RNF17: variants seen among roughly 807,000 people sequenced by gnomAD.
The protein encoded by RNF17 is spermatogenesis associated 23.
RNF17 carries 31 observed loss-of-function variants against 200.5 expected under a neutral mutation model. The observed-to-expected ratio is 0.15, with a 90% CI of 0.12 to 0.21. The LOEUF is 0.21. RNF17 is among the 10% of genes least tolerant of loss of function. RNF17 has a pLI of 1.00. For missense variants in RNF17, 1,628 were observed against 1,905.1 expected (o/e 0.85, Z 2.71); for synonymous variants, 606 against 637.8 (o/e 0.95, Z 0.75).
chr13:24,829,901 T>C lies in RNF17; in HGVS notation c.2246-583T>C, dbSNP rs1028397527. On this transcript the variant is annotated intron_variant, in intron 16 of 35. Coordinates refer to ENST00000255324, the MANE Select transcript of RNF17 (RefSeq NM_031277.3). Reference sequence around the variant, plus strand: ...TTTCAAAATTTCACAGATACTGTTATATGAATGAATCTTTGTTGAATCTTT... The same window carrying C: ...TTTCAAAATTTCACAGATACTGTTACATGAATGAATCTTTGTTGAATCTTT... Among the ~76,000 whole-genome samples the C allele has an allele frequency of 3.3e-5, 5 of 152,218 alleles. No individual in the cohort carries two copies. The East Asian group carries it at 5.8e-4, about 18-fold the overall frequency.
chr13:24,835,114 C>T (rs1889832931), intron 18 of RNF17, among the ~76,000 whole-genome samples: 1 of 152,080 alleles, frequency 6.6e-6, no homozygotes, highest in Admixed American at 6.5e-5. Context: ...CTCCTAGGCA[C>T]ACAACTCCAG....
intron 2 of RNF17, among the ~76,000 whole-genome samples, chr13:24,774,398 T>C (rs927582286): frequency 2.0e-5 from 3 of 152,140 alleles, no homozygotes; most frequent in African/African-American, 7.2e-5. Context: ...TTAGTAGAGA[T>C]GGGGTTTTGC....
intron 26 of RNF17, among the ~76,000 whole-genome samples, chr13:24,860,220 A>G (rs910957384): frequency 6.6e-6 from 1 of 151,978 alleles, no homozygotes; most frequent in Non-Finnish European, 1.5e-5. Context: ...AATGAAATTC[A>G]GTGTTCATCA....
chr13:24,800,182 A>AGC (rs1489528179), intron 12 of RNF17, among the ~76,000 whole-genome samples, 184 bp from the exon 13 acceptor site: 2 of 1,522 alleles, frequency 1.3e-3, no homozygotes, highest in Non-Finnish European at 0.011. Flanking sequence ...TGTGGAGGAA[A>AGC]ACTGTCTCTG....
the RNF17 span, chr13:24,886,050 GCTATGGTATAAA>G: frequency 2.7e-6 from 1 of 364,622 alleles, no homozygotes; most frequent in Non-Finnish European, 5.3e-6. Flanking sequence ...TGCCCTTGTG[GCTATGGTATAAA>G]CTTTTTGTAA....
chr13:24,829,511 C>T (rs1432753085), intron 16 of RNF17, among the ~76,000 whole-genome samples: 3 of 152,148 alleles, frequency 2.0e-5, no homozygotes, highest in African/African-American at 4.8e-5. Flanking sequence ...GAGAGGTTCC[C>T]CCATCTTTTG....
chr13:24,788,227 T>A, intron 7 of RNF17, 68 bp downstream of exon 7: 1 of 1,240,102 alleles, frequency 8.1e-7, no homozygotes. Context: ...GGAATATATT[T>A]AAGACAAGAA....
rs544596197 is a variant in RNF17, at chr13:24,776,162, C to T, written c.317+1258C>T. 3.6e-3 allele frequency among the ~76,000 whole-genome samples: 544 copies of T among 152,304 alleles called. 5 individuals carry two copies. The highest frequency in any genetic ancestry group is 4.7e-3 in the Non-Finnish European group (318 of 68,010). On this transcript the variant is annotated intron_variant, in intron 3 of 35. Coordinates refer to ENST00000255324, the MANE Select transcript of RNF17 (RefSeq NM_031277.3). ...AGTTCCTTCTATTACATTCATTTTA[C>T]CTCCTGCAGATTCTGACTTCTATAG...
chr13:24,771,218 C>G (rs1880624168), intron 2 of RNF17, among the ~76,000 whole-genome samples: 1 of 151,666 alleles, frequency 6.6e-6, no homozygotes, highest in Non-Finnish European at 1.5e-5. Flanking sequence ...GTGATGTGAT[C>G]ACAGCTCACT....
chr13:24,858,575 G>T (rs200349385), intron 25 of RNF17, among the ~76,000 whole-genome samples: 2 of 143,190 alleles, frequency 1.4e-5, no homozygotes, highest in Non-Finnish European at 3.0e-5. Flanking sequence ...ATCAGTTATG[G>T]ATATATATAT....
chr13:24,764,067 A>T, upstream of RNF17: 1 of 773,986 alleles, frequency 1.3e-6, no homozygotes, highest in Non-Finnish European at 2.0e-6. Context: ...CCCCATCAGG[A>T]GCGAGCTTGG....
At chr13:24,755,373 T>C in the RNF17 span, among the ~76,000 whole-genome samples, 2 of 152,210 alleles carry the variant, frequency 1.3e-5, no homozygotes, top group Admixed American at 1.3e-4. Flanking sequence ...TAAGAGTTTG[T>C]CTCACCATGA....
intron 2 of RNF17, among the ~76,000 whole-genome samples, chr13:24,767,577 G>A (rs1011428444): frequency 4.0e-5 from 6 of 151,896 alleles, no homozygotes; most frequent in Admixed American, 1.3e-4. Flanking sequence ...GGGAAACCCC[G>A]TCTCTACTAA....
intron 25 of RNF17, among the ~76,000 whole-genome samples, chr13:24,856,977 G>A (rs2902617): frequency 0.99 from 150,825 of 152,304 alleles, 74,696 homozygotes; most frequent in Middle Eastern, 1. Context: ...GAGGAAAGGT[G>A]ACTTTTTTGA....
upstream of RNF17, among the ~76,000 whole-genome samples, chr13:24,762,888 C>T (rs1206108322): frequency 6.6e-6 from 1 of 152,138 alleles, no homozygotes; most frequent in African/African-American, 2.4e-5. Context: ...CGAGATTCTC[C>T]GAAATTCTTC....
intron 15 of RNF17, among the ~76,000 whole-genome samples, chr13:24,813,724 G>A (rs1887036554): frequency 6.6e-6 from 1 of 150,956 alleles, no homozygotes. Flanking sequence ...TGGAACTCCT[G>A]GACTGAAGTG....
intron 9 of RNF17, among the ~76,000 whole-genome samples, chr13:24,792,305 C>T (rs1248935281): frequency 6.6e-6 from 1 of 151,880 alleles, no homozygotes; most frequent in Non-Finnish European, 1.5e-5. Context: ...GTACTGATTA[C>T]AAATGGTAGT....
At chr13:24,770,003 T>C (rs1168029038) in intron 2 of RNF17, among the ~76,000 whole-genome samples, 1 of 152,196 alleles carries the variant, frequency 6.6e-6, no homozygotes, top group Non-Finnish European at 1.5e-5. Flanking sequence ...ACCTAGGTGC[T>C]ATATTAGAAA....
intron 25 of RNF17, 130 bp downstream of exon 25, chr13:24,854,274 C>T: frequency 6.2e-6 from 4 of 646,054 alleles, no homozygotes; most frequent in Admixed American, 3.2e-5. Context: ...TCACACAATG[C>T]ATGCAAAGTG....
Sources: allele counts gnomAD v4.1 joint callset (sites outside exome capture counted in the v4.1 genomes callset), GRCh38; gene constraint gnomAD v4.1.1; transcripts MANE v1.5; gene names NCBI Gene and HGNC (gene_info 2026-07-23, HGNC 2026-07-21).